The following SPMIP2 variants were observed in gnomAD, a reference collection of about 807,000 sequenced individuals.
SPMIP2 encodes the protein protein SPMIP2.
At chr4:159,066,589 T>TA in the SPMIP2 span, among the ~76,000 whole-genome samples, 1 of 76,632 alleles carries the variant, frequency 1.3e-5, no homozygotes, top group African/African-American at 4.3e-5. Flanking sequence ...TGTGTGTATT[T>TA]TATATATATA....
chr4:158,977,600 CTTTTTT>C, the SPMIP2 span, among the ~76,000 whole-genome samples: 6 of 72,402 alleles, frequency 8.3e-5, no homozygotes, highest in Non-Finnish European at 1.2e-4. Context: ...TCCTTCAGTT[CTTTTTT>C]TTTTTTTTTT....
the SPMIP2 span, among the ~76,000 whole-genome samples, chr4:158,980,295 T>G: frequency 8.5e-5 from 13 of 152,090 alleles, no homozygotes; most frequent in Non-Finnish European, 1.8e-4. Flanking sequence ...GACTTAAACA[T>G]CCCTGCCTGC....
At chr4:159,037,419 C>T in the SPMIP2 span, among the ~76,000 whole-genome samples, 1 of 150,742 alleles carries the variant, frequency 6.6e-6, no homozygotes, top group Non-Finnish European at 1.5e-5. Flanking sequence ...CAGCTTTTAT[C>T]CTTGTTACCT....
the SPMIP2 span, among the ~76,000 whole-genome samples, chr4:158,896,841 G>GTTTT: frequency 6.9e-6 from 1 of 144,848 alleles, no homozygotes; most frequent in Non-Finnish European, 1.5e-5. Flanking sequence ...TGCCTTATTA[G>GTTTT]TTTTTTTTTT....
the SPMIP2 span, chr4:158,907,484 T>C: frequency 1.4e-4 from 21 of 152,346 alleles, no homozygotes; most frequent in South Asian, 2.5e-3. Context: ...GTTTGGGCTC[T>C]TATAATTAGG....
At chr4:158,939,668 T>A in the SPMIP2 span, among the ~76,000 whole-genome samples, 1 of 151,878 alleles carries the variant, frequency 6.6e-6, no homozygotes, top group East Asian at 1.9e-4. Context: ...TTCTCCCTCT[T>A]CTCCTCTTAT....
At chr4:159,024,628 T>A in the SPMIP2 span, among the ~76,000 whole-genome samples, 1 of 152,124 alleles carries the variant, frequency 6.6e-6, no homozygotes, top group South Asian at 2.1e-4. Context: ...CCTAATGAGA[T>A]CTTTCTATTC....
the SPMIP2 span, among the ~76,000 whole-genome samples, chr4:159,056,831 GGAAA>G: frequency 6.6e-6 from 1 of 152,154 alleles, no homozygotes. Flanking sequence ...AGATTAAGGA[GGAAA>G]GAAAGAAAGG....
At chr4:158,969,099 G>A in the SPMIP2 span, among the ~76,000 whole-genome samples, 2 of 152,100 alleles carry the variant, frequency 1.3e-5, no homozygotes, top group Non-Finnish European at 2.9e-5. Flanking sequence ...TCACACCCAT[G>A]AAAAGTGAGT....
chr4:158,948,718 T>C, the SPMIP2 span, among the ~76,000 whole-genome samples: 1 of 151,834 alleles, frequency 6.6e-6, no homozygotes, highest in Non-Finnish European at 1.5e-5. Flanking sequence ...ACTGAAGTGA[T>C]CCTCCCACCT....
chr4:159,074,179 T>A, the SPMIP2 span, among the ~76,000 whole-genome samples: 14 of 152,246 alleles, frequency 9.2e-5, no homozygotes, highest in South Asian at 2.7e-3. Context: ...ACATATCAAT[T>A]TATACTTTTT....
chr4:158,987,074 A>G, the SPMIP2 span, among the ~76,000 whole-genome samples: 4 of 116,642 alleles, frequency 3.4e-5, no homozygotes, highest in Admixed American at 1.9e-4. Context: ...AATCAAAACC[A>G]CAGTGAGATA....
At chr4:159,075,371 A>G in the SPMIP2 span, among the ~76,000 whole-genome samples, 1 of 152,248 alleles carries the variant, frequency 6.6e-6, no homozygotes, top group African/African-American at 2.4e-5. Flanking sequence ...CTTGTCATCA[A>G]GTATTGTGTA....
chr4:158,942,866 T>TA, the SPMIP2 span, among the ~76,000 whole-genome samples: 1 of 152,186 alleles, frequency 6.6e-6, no homozygotes, highest in African/African-American at 2.4e-5. Context: ...CATCCTAATA[T>TA]ACTCAGGTAA....
At chr4:158,920,878 G>A in the SPMIP2 span, among the ~76,000 whole-genome samples, 332 of 152,220 alleles carry the variant, frequency 2.2e-3, 2 homozygotes, top group African/African-American at 7.7e-3. Context: ...TACCTACTCT[G>A]TTCTTACACC....
chr4:158,998,460 A>T, the SPMIP2 span, among the ~76,000 whole-genome samples: 1 of 152,246 alleles, frequency 6.6e-6, no homozygotes, highest in East Asian at 1.9e-4. Flanking sequence ...TCATAAAAGA[A>T]CGTACTTTTT....
At chr4:158,948,832 G>A in the SPMIP2 span, among the ~76,000 whole-genome samples, 1 of 151,880 alleles carries the variant, frequency 6.6e-6, no homozygotes, top group African/African-American at 2.4e-5. Flanking sequence ...TTGAACTCCT[G>A]GGCTCAAGTA....
chr4:159,026,179 G>A, the SPMIP2 span: 1 of 428,958 alleles, frequency 2.3e-6, no homozygotes, highest in Non-Finnish European at 4.6e-6. Context: ...AGGCCTTGAT[G>A]AATACGTGAA....
the SPMIP2 span, among the ~76,000 whole-genome samples, chr4:158,957,744 C>T: frequency 6.6e-6 from 1 of 152,104 alleles, no homozygotes; most frequent in Admixed American, 6.6e-5. Context: ...TTGTCAACAT[C>T]AGCTTAATAA....
Sources: gnomAD v4.1 joint callset for allele counts (sites outside exome capture counted in the v4.1 genomes callset) on GRCh38, gnomAD v4.1.1 for gene constraint, MANE v1.5 for transcripts, NCBI Gene and HGNC (gene_info 2026-07-23, HGNC 2026-07-21) for gene names.